The following ZCCHC7 variants were observed in gnomAD, a reference collection of about 807,000 sequenced individuals.
ZCCHC7 encodes the protein zinc finger CCHC-type containing 7.
Under a neutral mutation model 52.0 loss-of-function variants are expected in ZCCHC7, and 35 were observed. The observed-to-expected ratio is 0.67, with a 90% CI of 0.51 to 0.89. ZCCHC7 has a LOEUF of 0.89. Ranked by LOEUF, ZCCHC7 falls within the 40% of genes least tolerant of loss-of-function variation. The pLI, the probability that ZCCHC7 is intolerant of heterozygous loss-of-function variation, is 0.00. For synonymous variants in ZCCHC7, 217 were observed against 221.5 expected, an observed-to-expected ratio of 0.98 and a Z score of 0.18; for missense variants, 574 against 649.1, an observed-to-expected ratio of 0.88 and a Z score of 1.26.
intron 2 of ZCCHC7, among the ~76,000 whole-genome samples, chr9:37,272,491 TAAA>T (rs551495038): frequency 3.1e-5 from 3 of 97,812 alleles, no homozygotes; most frequent in Admixed American, 1.2e-4. Context: ...AGCTGTGTGG[TAAA>T]AAAAAAAAAA....
intron 1 of ZCCHC7, among the ~76,000 whole-genome samples, chr9:37,124,493 T>C (rs900562435): frequency 6.6e-6 from 1 of 152,084 alleles, no homozygotes; most frequent in Non-Finnish European, 1.5e-5. Context: ...AGTTACCCTG[T>C]TTGGCTTTGG....
intron 6 of ZCCHC7, among the ~76,000 whole-genome samples, chr9:37,339,145 G>A (rs1039537183): frequency 2.0e-5 from 3 of 152,122 alleles, no homozygotes; most frequent in African/African-American, 4.8e-5. Flanking sequence ...CTAGAATACA[G>A]GGGAATTCTG....
chr9:37,307,626 A>G (rs565075346), intron 5 of ZCCHC7, among the ~76,000 whole-genome samples: 2 of 152,266 alleles, frequency 1.3e-5, no homozygotes, highest in African/African-American at 4.8e-5. Context: ...AAATACACCT[A>G]TAGTCTTTTT....
At chr9:37,259,336 T>C (rs1047035153) in intron 2 of ZCCHC7, among the ~76,000 whole-genome samples, 8 of 152,316 alleles carry the variant, frequency 5.3e-5, no homozygotes, top group Admixed American at 5.2e-4. Context: ...AAATAATACC[T>C]TATCACTGTG....
chr9:37,280,601 A>G (rs1034600664), intron 2 of ZCCHC7, among the ~76,000 whole-genome samples: 17 of 121,344 alleles, frequency 1.4e-4, no homozygotes, highest in African/African-American at 5.4e-4. Context: ...AGAATTAGAA[A>G]TCTATAGCAA....
At position 37,185,861 on chromosome 9, in the gene ZCCHC7, A is replaced by G. The variant is rs777412359; in HGVS notation, c.610+58919A>G. On this transcript the variant is annotated intron_variant, in intron 2 of 8. Transcript: ENST00000336755. ...AAGTTCTTGGGGTTAGAATTTGGAT[A>G]TGTTTTTGTGGGAGGGGACACTATT... 4.6e-5 allele frequency among the ~76,000 whole-genome samples: 7 copies of G among 152,148 alleles called. No homozygotes were observed. In the East Asian group the frequency reaches 9.6e-4, roughly 21 times the overall value.
chr9:37,198,720 T>G (rs1823422713), intron 2 of ZCCHC7, among the ~76,000 whole-genome samples: 1 of 152,328 alleles, frequency 6.6e-6, no homozygotes, highest in Admixed American at 6.5e-5. Flanking sequence ...CTTGTGTATA[T>G]TCTGCAGTCT....
intron 7 of ZCCHC7, among the ~76,000 whole-genome samples, chr9:37,350,310 T>G (rs2118628048): frequency 6.6e-6 from 1 of 152,012 alleles, no homozygotes. Context: ...TTGTATTTTT[T>G]TAGTAGAAAT....
intron 6 of ZCCHC7, among the ~76,000 whole-genome samples, chr9:37,330,653 A>G (rs1362185329): frequency 1.3e-5 from 2 of 151,758 alleles, no homozygotes; most frequent in African/African-American, 2.4e-5. Context: ...GTTTAATAAT[A>G]TAGCTAAAAT....
chr9:37,190,021 C>A (rs550224344), intron 2 of ZCCHC7, among the ~76,000 whole-genome samples: 2 of 152,284 alleles, frequency 1.3e-5, no homozygotes, highest in African/African-American at 4.8e-5. Flanking sequence ...CCTAATCCTC[C>A]CCTCTTTATA....
intron 6 of ZCCHC7, among the ~76,000 whole-genome samples, chr9:37,338,254 G>A (rs2118424956): frequency 1.3e-5 from 2 of 152,162 alleles, no homozygotes; most frequent in East Asian, 1.9e-4. Context: ...TAAAACTCGT[G>A]CTTCTTTTTA....
At chr9:37,352,670 C>T (rs563686832) in intron 7 of ZCCHC7, among the ~76,000 whole-genome samples, 252 of 150,266 alleles carry the variant, frequency 1.7e-3, no homozygotes, top group Non-Finnish European at 2.9e-3. Context: ...GCATGTGCCA[C>T]CACACCTGGC....
rs1827153875 is a variant in ZCCHC7, at chr9:37,267,328, A to G, written c.611-34860A>G. Among the ~76,000 whole-genome samples, 12 of 152,268 alleles carry G rather than the reference A, an allele frequency of 7.9e-5. No homozygotes were observed. The South Asian group carries it at 2.3e-3, about 29-fold the overall frequency. On this transcript the variant is annotated intron_variant, in intron 2 of 8. Coordinates refer to ENST00000336755, the MANE Select transcript of ZCCHC7 (RefSeq NM_032226.3). ...TTGTATTTAGCATTCCCTCTTGCTG[A>G]AAGTGTTCTTCTCTTTTTATATTTA...
chr9:37,258,108 C>T (rs13296413), intron 2 of ZCCHC7, among the ~76,000 whole-genome samples: 52,195 of 151,952 alleles, frequency 0.34, 9,333 homozygotes, highest in Middle Eastern at 0.41. Context: ...GAATAGATAT[C>T]GCTGGGCAAT....
intron 5 of ZCCHC7, among the ~76,000 whole-genome samples, chr9:37,316,730 G>A (rs572922244): frequency 1.2e-4 from 19 of 152,236 alleles, no homozygotes; most frequent in African/African-American, 4.3e-4. Flanking sequence ...CTCTGTAATT[G>A]TAACTCTTTC....
intron 2 of ZCCHC7, among the ~76,000 whole-genome samples, chr9:37,233,569 C>G (rs1035906503): frequency 6.6e-6 from 1 of 152,156 alleles, no homozygotes; most frequent in Non-Finnish European, 1.5e-5. Flanking sequence ...AGAACTGATT[C>G]TGTAGTCTCT....
At chr9:37,348,143 T>C (rs1408909170) in intron 6 of ZCCHC7, among the ~76,000 whole-genome samples, 4 of 152,174 alleles carry the variant, frequency 2.6e-5, no homozygotes, top group African/African-American at 9.7e-5. Context: ...TGTCTCTACA[T>C]AGAAACTGCC....
At chr9:37,211,163 G>A (rs1311234373) in intron 2 of ZCCHC7, among the ~76,000 whole-genome samples, 5 of 152,186 alleles carry the variant, frequency 3.3e-5, no homozygotes, top group African/African-American at 4.8e-5. Context: ...TGATCAAAAC[G>A]TTTAGGGATT....
chr9:37,327,982 T>G, intron 6 of ZCCHC7, 148 bp downstream of exon 6: 1 of 805,526 alleles, frequency 1.2e-6, no homozygotes, highest in Non-Finnish European at 1.9e-6. Flanking sequence ...AATAATACAC[T>G]TTTTCTCTTT....
Sources: allele counts gnomAD v4.1 joint callset (sites outside exome capture counted in the v4.1 genomes callset), GRCh38; gene constraint gnomAD v4.1.1; transcripts MANE v1.5; gene names NCBI Gene and HGNC (gene_info 2026-07-23, HGNC 2026-07-21).